Variants in TRANK1 observed in about 807,000 individuals in gnomAD.
The protein encoded by TRANK1 is TPR and ankyrin repeat-containing protein 1.
TRANK1 carries 198 observed loss-of-function variants against 266.0 expected under a neutral mutation model. The ratio of observed to expected loss-of-function variants is 0.74; its 90% CI spans 0.66 to 0.84. The LOEUF (loss-of-function observed/expected upper bound fraction) is 0.84. Among genes scored for constraint, TRANK1 ranks in the 40% least tolerant of loss-of-function variants. TRANK1 has a pLI of 0.00. For missense variants in TRANK1, 3,326 were observed against 3,634.6 expected (o/e 0.92, Z 2.18); for synonymous variants, 1,396 against 1,384.1 (o/e 1.01, Z -0.19).
chr3:36,917,165 C>T (rs554996878), intron 1 of TRANK1, among the ~76,000 whole-genome samples: 6 of 152,154 alleles, frequency 3.9e-5, no homozygotes, highest in African/African-American at 1.4e-4. Context: ...TACACTCACA[C>T]CCACACACAC....
chr3:36,833,551 T>C lies in TRANK1; in HGVS notation c.6032A>G (p.Asp2011Gly), dbSNP rs756845537. ...GATATCAAGTGCTTCTCTCAGAATGTCCTTGGTGTGTTCTATGTCGGAATC... is the reference window on the plus strand; with the variant it reads ...GATATCAAGTGCTTCTCTCAGAATGCCCTTGGTGTGTTCTATGTCGGAATC... ...ARDSDIEHTK[D>G]ILREALDICY... The change falls in exon 22 of 24, where the codon GAC becomes GGC. Residue 2011 changes from aspartate to glycine, a missense_variant. Asp to Gly is a moderately conservative substitution (Grantham distance 94). Transcript: ENST00000645898. 3.1e-6 allele frequency: 5 copies of C among 1,613,992 alleles called. No homozygotes were observed. Among genetic ancestry groups the C allele is most frequent in the Non-Finnish European group, 4.2e-6 (5 of 1,179,894 alleles).
intron 3 of TRANK1, among the ~76,000 whole-genome samples, chr3:36,901,101 GTTTT>G (rs55801006): frequency 0.27 from 37,464 of 136,924 alleles, 5,102 homozygotes; most frequent in East Asian, 0.57. Flanking sequence ...ATTCAAGGTT[GTTTT>G]TTTTTTTTTT....
intron 1 of TRANK1, among the ~76,000 whole-genome samples, chr3:36,936,826 G>A (rs1201864033): frequency 1.3e-5 from 2 of 152,242 alleles, no homozygotes; most frequent in Non-Finnish European, 2.9e-5. Context: ...AGACAGGACG[G>A]CATGATGGCT....
At position 36,828,388 on chromosome 3, in the gene TRANK1, AGAAG is replaced by A. The variant is rs61109537; in HGVS notation, c.8810-17_8810-14del. ...TCCTGAACAATACCTGAAGAAAGAA[AGAAG>A]GAAGGAAGGAAGGAAGGAAAGAAGG... is the stretch of plus-strand genomic sequence containing the variant. On this transcript the variant is annotated splice_polypyrimidine_tract_variant and intron_variant, in intron 23 of 23. Transcript: ENST00000645898. 225 of 1,013,670 alleles carry A rather than the reference AGAAG, an allele frequency of 2.2e-4. No individual in the cohort carries two copies. Among genetic ancestry groups the A allele is most frequent in the African/African-American group, 1.3e-3 (80 of 62,182 alleles). 62.8% of individuals were successfully genotyped at this position (1,013,670 alleles called of 1,614,324 possible).
intron 12 of TRANK1, 62 bp from the exon 13 acceptor site, chr3:36,858,111 C>G: frequency 7.3e-7 from 1 of 1,372,212 alleles, no homozygotes; most frequent in Non-Finnish European, 9.6e-7. Context: ...ACAGCAGACC[C>G]TGGGGTTTGA....
Position 36,829,653 on chromosome 3 carries a change from G to C in TRANK1, c.8720C>G (p.Ala2907Gly). The C allele has an allele frequency of 6.2e-7, 1 of 1,613,630 alleles. No individual in the cohort carries two copies. Among genetic ancestry groups the C allele is most frequent in the South Asian group, 1.1e-5 (1 of 91,074 alleles). The change falls in exon 23 of 24, where the codon GCG becomes GGG. Residue 2907 changes from alanine to glycine, a missense_variant. By Grantham distance (60) the Ala-to-Gly change is moderately conservative. Coordinates refer to ENST00000645898, the MANE Select transcript of TRANK1 (RefSeq NM_001329998.2). ...RRKAWAGAEE[A>G]MTRLVNILIL... Reference sequence around the variant, plus strand: ...CAGAATGTTGACCAGCCGAGTCATCGCCTCCTCCGCTTCAGAAACCAAAGA... The same window carrying C: ...CAGAATGTTGACCAGCCGAGTCATCCCCTCCTCCGCTTCAGAAACCAAAGA...
intron 8 of TRANK1, among the ~76,000 whole-genome samples, chr3:36,879,795 T>TAAATATATAAATATATGC (rs2079469991): frequency 2.2e-5 from 1 of 45,734 alleles, no homozygotes; most frequent in African/African-American, 1.1e-4. Flanking sequence ...TGTAAATATA[T>TAAATATATAAATATATGC]AAATATACAA....
At chr3:36,879,126 A>G (rs1026946407) in intron 8 of TRANK1, among the ~76,000 whole-genome samples, 1 of 151,896 alleles carries the variant, frequency 6.6e-6, no homozygotes, top group Non-Finnish European at 1.5e-5. Context: ...ACATGGGCTT[A>G]CCTGGGACTT....
Position 36,855,222 on chromosome 3 carries a change from CCGGACAGCACA to C in TRANK1, c.4489_4499del (p.Cys1497GlufsTer38). 6.2e-7 allele frequency: 1 copy of C among 1,613,916 alleles called. No homozygotes were observed. Among genetic ancestry groups the C allele is most frequent in the Non-Finnish European group, 8.5e-7 (1 of 1,179,802 alleles). ...ACAGCTGGTGGATCTTCTTGGGCTT[CCGGACAGCACA>C]CTGCTTGTCTATGGTGTTTCTGCTG... is the stretch of plus-strand genomic sequence containing the variant. On this transcript the variant is annotated frameshift_variant, in exon 13 of 24. Transcript: ENST00000645898. LOFTEE classifies it high-confidence loss of function.
At chr3:36,888,874 G>C (rs973367292) in intron 8 of TRANK1, among the ~76,000 whole-genome samples, 2 of 152,130 alleles carry the variant, frequency 1.3e-5, no homozygotes, top group Non-Finnish European at 2.9e-5. Context: ...CTGGCCAACA[G>C]AGCTACTAAA....
chr3:36,827,209 G>A lies in TRANK1; in HGVS notation c.*1066C>T, dbSNP rs904631519. 3 of 152,298 alleles carry A rather than the reference G, an allele frequency of 2.0e-5. No homozygotes were observed. The highest frequency in any genetic ancestry group is 7.2e-5 in the African/African-American group (3 of 41,446). 9.4% of individuals were successfully genotyped at this position (152,298 alleles called of 1,614,324 possible). ...TGGCTGCTGGCTCACTGTGGGGAGA[G>A]GGTAGGCAATGGCCTCCTGCAAACG... On this transcript the variant is annotated 3_prime_UTR_variant, in exon 24 of 24. Coordinates refer to ENST00000645898, the MANE Select transcript of TRANK1 (RefSeq NM_001329998.2).
chr3:36,866,062 A>C (rs796085550), intron 9 of TRANK1, among the ~76,000 whole-genome samples: 1 of 135,340 alleles, frequency 7.4e-6, no homozygotes, highest in East Asian at 2.2e-4. Flanking sequence ...AAAAGAAAGA[A>C]AGAAAGAAAG....
At chr3:36,870,034 C>T (rs1299328829) in intron 9 of TRANK1, among the ~76,000 whole-genome samples, 3 of 152,218 alleles carry the variant, frequency 2.0e-5, no homozygotes, top group African/African-American at 7.2e-5. Context: ...TATAAAGGAA[C>T]AGTGATATTC....
chr3:36,918,637 A>AAGAAAGAAAGAAAGAAAGAAAGAAAGAG (rs2080171817), intron 1 of TRANK1, among the ~76,000 whole-genome samples: 1 of 139,248 alleles, frequency 7.2e-6, no homozygotes, highest in African/African-American at 2.8e-5. Flanking sequence ...GAAAGAAAGA[A>AAGAAAGAAAGAAAGAAAGAAAGAAAGAG]AGAGAAAGAA....
Position 36,858,833 on chromosome 3 carries a change from C to T in TRANK1, c.1557G>A (p.Glu519=). 2.6e-6 allele frequency: 4 copies of T among 1,537,258 alleles called. No individual in the cohort carries two copies. Among genetic ancestry groups the T allele is most frequent in the East Asian group, 2.4e-5 (1 of 40,918 alleles). The part of the protein sequence containing the change: ...ERPVVTCLKH[E]DFELAFLLLT... The stretch of plus-strand genomic sequence containing the variant: ...AGAGAAGGAAAGCCAACTCGAAGTC[C>T]TCATGTTTCAGGCACGTGACAACTG... The change falls in exon 12 of 24, where the codon GAG becomes GAA. Residue 519 remains glutamate (E), a synonymous_variant. Transcript: ENST00000645898.
chr3:36,852,399 T>C, intron 13 of TRANK1, 54 bp from the exon 14 acceptor site: 2 of 1,470,264 alleles, frequency 1.4e-6, no homozygotes, highest in Admixed American at 5.3e-5. Context: ...GCTGAGTTTT[T>C]TGGTTATTTG....
rs1413360588 is a variant in TRANK1 at position 36,856,208 on chromosome 3, C to T, written c.3514G>A (p.Asp1172Asn). The change falls in exon 13 of 24, where the codon GAC becomes AAC. Residue 1172 changes from aspartate (D) to asparagine (N), a missense_variant. Asp to Asn is a conservative substitution (Grantham distance 23, BLOSUM62 1). Coordinates refer to ENST00000645898, the MANE Select transcript of TRANK1 (RefSeq NM_001329998.2). The part of the protein sequence containing the change: ...AGGAGVEPAG[D>N]GQAAEVCAPE... ...GCACATACTTCTGCAGCTTGGCCGT[C>T]CCCTGCTGGCTCCACACCGGCTCCT... is the stretch of plus-strand genomic sequence containing the variant. The T allele has an allele frequency of 1.2e-6, 2 of 1,613,866 alleles. No homozygotes were observed. Among genetic ancestry groups the T allele is most frequent in the South Asian group, 1.1e-5 (1 of 91,080 alleles).
intron 3 of TRANK1, among the ~76,000 whole-genome samples, chr3:36,901,579 T>C (rs368407393): frequency 6.6e-6 from 1 of 152,242 alleles, no homozygotes; most frequent in Admixed American, 6.5e-5. Context: ...CACATAAAAG[T>C]GAACATCAAA....
chr3:36,877,022 A>AGATT (rs1313802218), intron 8 of TRANK1, among the ~76,000 whole-genome samples: 7 of 152,204 alleles, frequency 4.6e-5, no homozygotes, highest in African/African-American at 1.7e-4. Context: ...ACAAAGCTGA[A>AGATT]GATTTCTAAG....
Sources: allele counts gnomAD v4.1 joint callset (sites outside exome capture counted in the v4.1 genomes callset), GRCh38; gene constraint gnomAD v4.1.1; transcripts MANE v1.5; gene names NCBI Gene and HGNC (gene_info 2026-07-23, HGNC 2026-07-21).